SHOC1: variants seen among roughly 807,000 people sequenced by gnomAD.
SHOC1 encodes shortage in chiasmata 1.
SHOC1 carries 136 observed loss-of-function variants against 179.2 expected under a neutral mutation model. That is an observed-to-expected ratio of 0.76 (90% CI 0.66 to 0.87). The LOEUF is 0.87. SHOC1 is among the 40% of genes least tolerant of loss of function. SHOC1 has a pLI of 0.00. For synonymous variants in SHOC1, 489 were observed against 586.6 expected (o/e 0.83, Z 2.41); for missense variants, 1,538 against 1,700.8 (o/e 0.90, Z 1.68).
intron 12 of SHOC1, among the ~76,000 whole-genome samples, chr9:111,730,348 C>A (rs1833508422): frequency 6.6e-6 from 1 of 152,160 alleles, no homozygotes. Context: ...TTGACTAGAT[C>A]CATCAGAGGA....
chr9:111,774,635 T>C (rs1835757285), intron 5 of SHOC1, among the ~76,000 whole-genome samples: 1 of 152,130 alleles, frequency 6.6e-6, no homozygotes, highest in African/African-American at 2.4e-5. Flanking sequence ...CAAGTTTTAG[T>C]TCTTAATGCA....
intron 5 of SHOC1, among the ~76,000 whole-genome samples, chr9:111,761,667 T>A (rs1835143331): frequency 6.6e-6 from 1 of 151,964 alleles, no homozygotes; most frequent in Admixed American, 6.6e-5. Flanking sequence ...ATATTTGGAG[T>A]TAATACCTTT....
intron 17 of SHOC1, among the ~76,000 whole-genome samples, chr9:111,713,418 C>T (rs1370403184): frequency 1.3e-5 from 2 of 152,190 alleles, no homozygotes; most frequent in African/African-American, 2.4e-5. Context: ...AGTATTCCCA[C>T]ATATGTGACT....
chr9:111,785,519 A>C (rs2131643126), intron 3 of SHOC1, among the ~76,000 whole-genome samples: 2 of 152,304 alleles, frequency 1.3e-5, no homozygotes, highest in South Asian at 4.1e-4. Flanking sequence ...TTACTAGTCC[A>C]TGACTTGATA....
intron 12 of SHOC1, 144 bp downstream of exon 12, chr9:111,738,136 A>G (rs1225381429): frequency 3.2e-6 from 2 of 628,338 alleles, no homozygotes; most frequent in African/African-American, 3.9e-5. Flanking sequence ...GAGAAATCCA[A>G]AGTCATAAAT....
At chr9:111,780,273 A>C (rs1308375679) in intron 4 of SHOC1, among the ~76,000 whole-genome samples, 1 of 152,212 alleles carries the variant, frequency 6.6e-6, no homozygotes, top group African/African-American at 2.4e-5. Context: ...GAATAATAAC[A>C]AAATCTCTCC....
At chr9:111,705,426 T>C in intron 20 of SHOC1, 62 bp from the exon 21 acceptor site, 1 of 730,382 alleles carries the variant, frequency 1.4e-6, no homozygotes, top group Admixed American at 3.0e-5. Context: ...TCTTTCTCTT[T>C]TTTTTTTTAC....
At chr9:111,711,635 A>C (rs1189482306) in intron 18 of SHOC1, among the ~76,000 whole-genome samples, 1 of 152,230 alleles carries the variant, frequency 6.6e-6, no homozygotes, top group Non-Finnish European at 1.5e-5. Flanking sequence ...GAGGATACTT[A>C]AATGATTAAT....
intron 3 of SHOC1, among the ~76,000 whole-genome samples, chr9:111,784,348 C>G (rs987071489): frequency 3.2e-4 from 49 of 152,154 alleles, no homozygotes; most frequent in Non-Finnish European, 8.8e-5. Flanking sequence ...CTTTATTCTT[C>G]TATTTTGTGA....
At chr9:111,709,278 GTTGCAGTAAGCC>G (rs1832421865) in intron 18 of SHOC1, among the ~76,000 whole-genome samples, 1 of 152,228 alleles carries the variant, frequency 6.6e-6, no homozygotes, top group African/African-American at 2.4e-5. Flanking sequence ...GGAGGCAGAG[GTTGCAGTAAGCC>G]GAGATCGTGC....
In SHOC1 at chr9:111,727,756, A is replaced by C; in HGVS notation, c.1711T>G (p.Ser571Ala). The C allele has an allele frequency of 1.2e-6, 2 of 1,613,458 alleles. No individual in the cohort carries two copies. Among genetic ancestry groups the C allele is most frequent in the Non-Finnish European group, 8.5e-7 (1 of 1,179,666 alleles). The change falls in exon 13 of 28, where the codon TCT becomes GCT. Residue 571 changes from serine to alanine, a missense_variant. Ser to Ala is a moderately conservative substitution (Grantham distance 99). Coordinates refer to ENST00000682961, the MANE Select transcript of SHOC1 (RefSeq NM_001378211.1). ...TCTTGTTTTTTGCCATGTTCAAAAG[A>C]TGCTTTTTTAATTATTGAAGAGGAA... Reference protein sequence around the residue: ...SPSSSIIKKASFEHGKKQEND... With the variant: ...SPSSSIIKKAAFEHGKKQEND...
rs1471156035 is a variant in SHOC1, at chr9:111,724,520, TTTATTA to T, written c.1835-615_1835-610del. On this transcript the variant is annotated intron_variant, in intron 13 of 27. Coordinates refer to ENST00000682961, the MANE Select transcript of SHOC1 (RefSeq NM_001378211.1). Reference sequence around the variant, plus strand: ...ATCCTGGGCTAATTTATTTTTTAAATTTATTATTATTATTATTTTGGTAGAGATAGG... The same window carrying T: ...ATCCTGGGCTAATTTATTTTTTAAATTTATTATTATTTTGGTAGAGATAGG... Among the ~76,000 whole-genome samples the T allele has an allele frequency of 2.0e-5, 3 of 151,700 alleles. No homozygotes were observed. In the East Asian group the frequency reaches 5.8e-4, roughly 29 times the overall value.
chr9:111,764,977 C>T (rs923526438), intron 5 of SHOC1, among the ~76,000 whole-genome samples: 1 of 151,892 alleles, frequency 6.6e-6, no homozygotes, highest in Non-Finnish European at 1.5e-5. Flanking sequence ...TCTATCTCTA[C>T]TAAAAATATA....
At chr9:111,702,649 C>T (rs1200874406) in intron 22 of SHOC1, among the ~76,000 whole-genome samples, 1 of 152,210 alleles carries the variant, frequency 6.6e-6, no homozygotes, top group Non-Finnish European at 1.5e-5. Flanking sequence ...ATGATGTGCA[C>T]TGCATGGTTA....
intron 13 of SHOC1, among the ~76,000 whole-genome samples, chr9:111,724,690 A>T (rs1419772249): frequency 6.6e-6 from 1 of 152,066 alleles, no homozygotes; most frequent in Non-Finnish European, 1.5e-5. Context: ...GGTCTCAGGC[A>T]TCTTCTAAAA....
chr9:111,735,087 T>C (rs1301750391), intron 12 of SHOC1, among the ~76,000 whole-genome samples: 1 of 152,186 alleles, frequency 6.6e-6, no homozygotes, highest in Non-Finnish European at 1.5e-5. Flanking sequence ...CCTGAGTTAA[T>C]TCACTTAAGA....
chr9:111,775,648 GC>G (rs1835799980), intron 5 of SHOC1, 142 bp downstream of exon 5: 2 of 592,206 alleles, frequency 3.4e-6, no homozygotes, highest in Non-Finnish European at 5.6e-6. Flanking sequence ...AGGAAATACT[GC>G]CCTAATGTGG....
intron 12 of SHOC1, among the ~76,000 whole-genome samples, chr9:111,729,438 G>A (rs953258696): frequency 6.6e-6 from 1 of 152,196 alleles, no homozygotes; most frequent in Admixed American, 6.5e-5. Context: ...GACAGCTGCT[G>A]ACTGTCAGAG....
intron 3 of SHOC1, among the ~76,000 whole-genome samples, chr9:111,781,736 A>AT (rs1836057525): frequency 6.7e-6 from 1 of 150,222 alleles, no homozygotes; most frequent in African/African-American, 2.4e-5. Flanking sequence ...AAATAAATAA[A>AT]TAAATAAATA....
Sources: allele counts gnomAD v4.1 joint callset (sites outside exome capture counted in the v4.1 genomes callset), GRCh38; gene constraint gnomAD v4.1.1; transcripts MANE v1.5; gene names NCBI Gene and HGNC (gene_info 2026-07-23, HGNC 2026-07-21).